The following LRP2 variants were observed in gnomAD, a reference collection of about 807,000 sequenced individuals.
LRP2 encodes the protein low-density lipoprotein receptor-related protein 2.
A neutral mutation model predicts 531.0 loss-of-function variants in LRP2; 172 were observed. The ratio of observed to expected loss-of-function variants is 0.32; its 90% CI spans 0.29 to 0.37. LRP2 has a LOEUF of 0.37. LRP2 is among the 10% of genes least tolerant of loss of function. The pLI, the probability that LRP2 is intolerant of heterozygous loss-of-function variation, is 1.00. For missense variants in LRP2, 5,167 were observed against 5,868.3 expected (o/e 0.88, Z 3.90); for synonymous variants, 1,992 against 2,027.6 (o/e 0.98, Z 0.47).
chr2:169,245,469 T>A (rs563769665), intron 21 of LRP2, among the ~76,000 whole-genome samples: 59 of 152,312 alleles, frequency 3.9e-4, no homozygotes, highest in African/African-American at 1.4e-3. Flanking sequence ...ATTTAAAAAA[T>A]TTCAGAAAAA....
intron 1 of LRP2, among the ~76,000 whole-genome samples, chr2:169,353,300 A>AGCCCCATTT (rs1178820805): frequency 3.3e-5 from 5 of 152,198 alleles, no homozygotes; most frequent in Non-Finnish European, 5.9e-5. Flanking sequence ...GGAAACACGT[A>AGCCCCATTT]GCCCCATTTG....
At chr2:169,286,603 G>C (rs1323308923) in intron 9 of LRP2, among the ~76,000 whole-genome samples, 4 of 152,166 alleles carry the variant, frequency 2.6e-5, no homozygotes, top group Non-Finnish European at 5.9e-5. Context: ...GAAAACCCTA[G>C]ACATTTGGAA....
intron 30 of LRP2, among the ~76,000 whole-genome samples, 185 bp from the exon 31 acceptor site, chr2:169,232,027 T>A (rs1389061385): frequency 6.6e-6 from 1 of 152,106 alleles, no homozygotes; most frequent in Non-Finnish European, 1.5e-5. Flanking sequence ...TTCCCTAGCA[T>A]CAGGCTTTCA....
At chr2:169,346,484 G>C (rs146023882) in intron 1 of LRP2, among the ~76,000 whole-genome samples, 111 of 151,964 alleles carry the variant, frequency 7.3e-4, no homozygotes, top group Middle Eastern at 3.4e-3. Context: ...CAATTGACTT[G>C]GGACATGTGT....
intron 63 of LRP2, among the ~76,000 whole-genome samples, chr2:169,158,056 T>TTATA (rs143892285): frequency 0.069 from 6,030 of 87,822 alleles, 137 homozygotes; most frequent in African/African-American, 0.13. Flanking sequence ...GACCAATTGA[T>TTATA]TATATACACA....
intron 35 of LRP2, among the ~76,000 whole-genome samples, chr2:169,214,563 C>A (rs1030757125): frequency 1.3e-5 from 2 of 152,130 alleles, no homozygotes; most frequent in Non-Finnish European, 2.9e-5. Context: ...GGCTTTACTG[C>A]CATGGCTGAA....
intron 1 of LRP2, among the ~76,000 whole-genome samples, chr2:169,342,160 ACAGACAG>A (rs1685580571): frequency 6.6e-6 from 1 of 152,026 alleles, no homozygotes; most frequent in Non-Finnish European, 1.5e-5. Context: ...CTATGCCCAG[ACAGACAG>A]CAAGCTGGAA....
chr2:169,206,708 G>A lies in LRP2; in HGVS notation c.7012C>T (p.Pro2338Ser), dbSNP rs747956308. Residue 2338 changes from proline to serine, a missense_variant, in exon 39 of 79, where the codon CCA (proline) becomes TCA (serine). Physicochemically the swap from Pro to Ser is moderately conservative, Grantham distance 74. Transcript: ENST00000649046. ...IFDKQVQPRSPAEVNNNPCLE... is the reference protein window; with the variant it reads ...IFDKQVQPRSSAEVNNNPCLE... ...CAAGGGTTGTTGTTGACCTCTGCTG[G>A]TGACCGGGGCTGGACTTGCTTGTCA... 1 of 1,614,136 alleles carries A rather than the reference G, an allele frequency of 6.2e-7. No homozygotes were observed. The highest frequency in any genetic ancestry group is 8.5e-7 in the Non-Finnish European group (1 of 1,180,018).
chr2:169,175,557 C>T (rs149881245), intron 54 of LRP2, among the ~76,000 whole-genome samples, 168 bp from the exon 55 acceptor site: 20 of 152,120 alleles, frequency 1.3e-4, no homozygotes, highest in Non-Finnish European at 2.6e-4. Context: ...TCAGAGAAAA[C>T]ATAACTTGGC....
At chr2:169,345,369 G>A (rs1377994858) in intron 1 of LRP2, among the ~76,000 whole-genome samples, 1 of 152,164 alleles carries the variant, frequency 6.6e-6, no homozygotes, top group African/African-American at 2.4e-5. Context: ...TACCGTGAGT[G>A]TCATTTTGAA....
At chr2:169,318,003 G>A (rs900324057) in intron 3 of LRP2, among the ~76,000 whole-genome samples, 4 of 152,050 alleles carry the variant, frequency 2.6e-5, no homozygotes, top group Admixed American at 6.6e-5. Flanking sequence ...CCTGAGCCCC[G>A]GTGTTTGAGG....
chr2:169,277,714 A>G (rs1559053398), intron 13 of LRP2, 31 bp downstream of exon 13: 1 of 1,587,060 alleles, frequency 6.3e-7, no homozygotes, highest in Non-Finnish European at 8.7e-7. Context: ...TGCAACTTAT[A>G]AAGCCATAAG....
chr2:169,292,324 C>T lies in LRP2; in HGVS notation c.698G>A (p.Arg233Gln), dbSNP rs925251257. Residue 233 changes from arginine (R) to glutamine (Q), a missense_variant, in exon 7 of 79, where the codon CGA becomes CAA. Physicochemically the swap from Arg to Gln is conservative, Grantham distance 43. Coordinates refer to ENST00000649046, the MANE Select transcript of LRP2 (RefSeq NM_004525.3). ...GGYQFTCPSGRCIYQNWVCDG... is the reference protein window; with the variant it reads ...GGYQFTCPSGQCIYQNWVCDG... Reference sequence around the variant, plus strand: ...ACAAACCCAGTTTTGATAAATGCATCGGCCACTGGGGCAAGTGAACTGGTA... The same window carrying T: ...ACAAACCCAGTTTTGATAAATGCATTGGCCACTGGGGCAAGTGAACTGGTA... The T allele has an allele frequency of 1.5e-5, 25 of 1,613,954 alleles. No individual in the cohort carries two copies. Among genetic ancestry groups the T allele is most frequent in the Non-Finnish European group, 1.3e-5 (15 of 1,179,970 alleles).
At chr2:169,362,279 G>A in intron 1 of LRP2, 42 bp downstream of exon 1, 1 of 1,502,306 alleles carries the variant, frequency 6.7e-7, no homozygotes, top group Non-Finnish European at 9.0e-7. Context: ...GCCACAGCCG[G>A]GGAAGTGGGG....
intron 49 of LRP2, among the ~76,000 whole-genome samples, chr2:169,187,042 CAGTTTTT>C: frequency 6.6e-6 from 1 of 151,980 alleles, no homozygotes; most frequent in East Asian, 1.9e-4. Flanking sequence ...GAGCAAAAGC[CAGTTTTT>C]GGATGATTTT....
At chr2:169,318,044 T>G (rs887511853) in intron 3 of LRP2, among the ~76,000 whole-genome samples, 2 of 151,972 alleles carry the variant, frequency 1.3e-5, no homozygotes, top group African/African-American at 4.8e-5. Flanking sequence ...ACCACTGCAC[T>G]CCAGCCTGGG....
In LRP2 at chr2:169,241,088, C is replaced by T; in HGVS notation, c.3945G>A (p.Trp1315Ter). Residue 1315 changes from tryptophan to a stop codon, truncating the protein, a stop_gained, in exon 25 of 79, where the codon TGG becomes TGA. Transcript: ENST00000649046. LOFTEE classifies it high-confidence loss of function. ...TGTTATGGCCAAGACACTGCCATTG[C>T]CAACTAGGACAGCGAAAGGGCTGAG... ...CPTQPFRCPS[W>*]QWQCLGHNIC... The T allele has an allele frequency of 6.2e-7, 1 of 1,614,012 alleles. No individual in the cohort carries two copies. Among genetic ancestry groups the T allele is most frequent in the East Asian group, 2.2e-5 (1 of 44,882 alleles).
At position 169,280,461 on chromosome 2, in the gene LRP2, A is replaced by G. The variant is rs960832743; in HGVS notation, c.1230T>C (p.His410=). Reference sequence around the variant, plus strand: ...CCACTAGGATCCGGAAGCTCCTTCCATGAATATCACCAATTAACAAATCCC... The same window carrying G: ...CCACTAGGATCCGGAAGCTCCTTCCGTGAATATCACCAATTAACAAATCCC... ...NGRDLLIGDI[H]GRSFRILVES... is the part of the protein sequence containing the mutation. The change falls in exon 11 of 79, where the codon CAT becomes CAC. Residue 410 remains histidine, a synonymous_variant. Coordinates refer to ENST00000649046, the MANE Select transcript of LRP2 (RefSeq NM_004525.3). The G allele has an allele frequency of 4.3e-6, 7 of 1,614,108 alleles. No individual in the cohort carries two copies. The highest frequency in any genetic ancestry group is 1.3e-5 in the African/African-American group (1 of 74,942).
chr2:169,166,074 A>T lies in LRP2; in HGVS notation c.11636-20T>A. 1 of 1,613,492 alleles carries T rather than the reference A, an allele frequency of 6.2e-7. No individual in the cohort carries two copies. The highest frequency in any genetic ancestry group is 8.5e-7 in the Non-Finnish European group (1 of 1,179,520). On this transcript the variant is annotated intron_variant, in intron 61 of 78. Coordinates refer to ENST00000649046, the MANE Select transcript of LRP2 (RefSeq NM_004525.3). ...CATCCACTGAAAGGAAAGATAGAAA[A>T]ATGAAATTACAAGTTAACAGTAGAA...
Sources: gnomAD v4.1 joint callset for allele counts (sites outside exome capture counted in the v4.1 genomes callset) on GRCh38, gnomAD v4.1.1 for gene constraint, MANE v1.5 for transcripts, NCBI Gene and HGNC (gene_info 2026-07-23, HGNC 2026-07-21) for gene names.